Variants in SUPT3H observed in about 807,000 individuals in gnomAD.
SUPT3H encodes SPT3 homolog, SAGA and STAGA complex component, also known as transcription initiation protein SPT3 homolog.
SUPT3H carries 44 observed loss-of-function variants against 44.3 expected under a neutral mutation model. The ratio of observed to expected loss-of-function variants is 0.99; its 90% CI spans 0.78 to 1.28. The LOEUF is 1.28. Among genes scored for constraint, SUPT3H ranks in the 50% most tolerant of loss-of-function variants. The pLI is 0.00. For synonymous variants in SUPT3H, 124 were observed against 125.6 expected, an observed-to-expected ratio of 0.99 and a Z score of 0.09; for missense variants, 380 against 387.1, an observed-to-expected ratio of 0.98 and a Z score of 0.15.
intron 2 of SUPT3H, among the ~76,000 whole-genome samples, chr6:45,128,154 GT>G (rs967968646): frequency 3.3e-5 from 5 of 152,014 alleles, no homozygotes; most frequent in Non-Finnish European, 5.9e-5. Flanking sequence ...AATCAAGGCA[GT>G]TTTCTTAATG....
intron 10 of SUPT3H, among the ~76,000 whole-genome samples, chr6:44,832,489 C>T (rs769284129): frequency 6.6e-6 from 1 of 152,048 alleles, no homozygotes; most frequent in Non-Finnish European, 1.5e-5. Context: ...ACAATTAGAC[C>T]TCCCCAACAA....
At chr6:45,346,659 C>G (rs1284015842) in intron 2 of SUPT3H, among the ~76,000 whole-genome samples, 1 of 151,750 alleles carries the variant, frequency 6.6e-6, no homozygotes, top group Non-Finnish European at 1.5e-5. Context: ...CCTCCACCTC[C>G]TGGGTTCAAG....
chr6:45,316,108 T>C (rs781354511), intron 2 of SUPT3H, among the ~76,000 whole-genome samples: 6 of 152,154 alleles, frequency 3.9e-5, no homozygotes, highest in Non-Finnish European at 8.8e-5. Flanking sequence ...CTCACTGATA[T>C]GTGGGAACTA....
chr6:45,023,854 A>G (rs1785533248), intron 3 of SUPT3H, among the ~76,000 whole-genome samples: 1 of 152,160 alleles, frequency 6.6e-6, no homozygotes, highest in African/African-American at 2.4e-5. Context: ...AACCCCAGTG[A>G]CATGAGTTTA....
At position 44,829,870 on chromosome 6, in the gene SUPT3H, A is replaced by G. The variant is rs774083083; in HGVS notation, c.913-13T>C. On this transcript the variant is annotated splice_polypyrimidine_tract_variant and intron_variant, in intron 10 of 10. Transcript: ENST00000371459. ...TGCGGTAGGCATTCTGTCAAAGAAA[A>G]AGAAATCTGCAATGAATTATCACAT... 6.2e-7 allele frequency: 1 copy of G among 1,612,930 alleles called. No homozygotes were observed. The highest frequency in any genetic ancestry group is 8.5e-7 in the Non-Finnish European group (1 of 1,179,016).
rs562352441 is a variant in SUPT3H, at chr6:45,365,416, ATT to A, written c.1-117_1-116del. ...AAAGTAGAGAAAATTTAAATTTCTG[ATT>A]TGTTTTGCACAAAACTGATTCACTT... is the stretch of plus-strand genomic sequence containing the variant. On this transcript the variant is annotated intron_variant, in intron 1 of 10. Transcript: ENST00000371459. 2,939 of 692,830 alleles carry A rather than the reference ATT, an allele frequency of 4.2e-3. 18 individuals are homozygous for A. The highest frequency in any genetic ancestry group is 5.4e-3 in the Non-Finnish European group (2,292 of 427,612). The allele number at this position is 692,830 out of a possible 1,614,324, so 42.9% of individuals were successfully genotyped here. A position where few individuals can be genotyped will look rare whatever the true frequency, so the allele number is the denominator to read the frequency against.
intron 2 of SUPT3H, among the ~76,000 whole-genome samples, chr6:45,141,953 A>G (rs1805284562): frequency 6.6e-6 from 1 of 152,216 alleles, no homozygotes; most frequent in African/African-American, 2.4e-5. Context: ...CAGGTTATCT[A>G]AAGTCAAGAC....
chr6:44,911,075 G>GT (rs919554007), intron 10 of SUPT3H, among the ~76,000 whole-genome samples: 24 of 147,468 alleles, frequency 1.6e-4, no homozygotes, highest in Middle Eastern at 3.5e-3. Context: ...TTTTTGATGA[G>GT]TTTTTTTTTA....
intron 8 of SUPT3H, 83 bp downstream of exon 8, chr6:44,954,412 G>A (rs1386935672): frequency 2.1e-6 from 2 of 969,520 alleles, no homozygotes; most frequent in Non-Finnish European, 3.4e-6. Context: ...TGGTAGAGCA[G>A]CAGGGAGAAG....
intron 10 of SUPT3H, among the ~76,000 whole-genome samples, chr6:44,842,050 A>G (rs1400786897): frequency 1.3e-5 from 2 of 152,198 alleles, no homozygotes; most frequent in Non-Finnish European, 2.9e-5. Flanking sequence ...TCTCTGATAA[A>G]GTGACATTTA....
chr6:44,960,531 TTTAAGA>T (rs1775879556), intron 7 of SUPT3H, among the ~76,000 whole-genome samples: 1 of 152,006 alleles, frequency 6.6e-6, no homozygotes. Context: ...ATTAGGAGAC[TTTAAGA>T]TTATGAGTTT....
chr6:44,893,615 C>G (rs1763663040), intron 10 of SUPT3H, among the ~76,000 whole-genome samples: 1 of 151,932 alleles, frequency 6.6e-6, no homozygotes, highest in Non-Finnish European at 1.5e-5. Context: ...TTAATCCAGT[C>G]TATCATTGTT....
intron 2 of SUPT3H, among the ~76,000 whole-genome samples, chr6:45,121,656 A>AT (rs1414370456): frequency 6.6e-6 from 1 of 151,534 alleles, no homozygotes; most frequent in East Asian, 1.9e-4. Context: ...CTACTTATAG[A>AT]TTTTTTTTGG....
chr6:45,045,155 TA>T (rs1789177054), intron 3 of SUPT3H, among the ~76,000 whole-genome samples: 1 of 152,060 alleles, frequency 6.6e-6, no homozygotes. Context: ...TAAAACAGAC[TA>T]CAGATACTGT....
chr6:45,069,847 T>C (rs1021590465), intron 3 of SUPT3H, among the ~76,000 whole-genome samples: 18 of 138,596 alleles, frequency 1.3e-4, no homozygotes, highest in Non-Finnish European at 2.7e-4. Context: ...CTCAGATAAC[T>C]TCCATGACAC....
chr6:44,869,110 T>G (rs532793294), intron 10 of SUPT3H, among the ~76,000 whole-genome samples: 1 of 152,302 alleles, frequency 6.6e-6, no homozygotes, highest in East Asian at 1.9e-4. Flanking sequence ...GAGCTGTGCC[T>G]CAAAAGGCAG....
chr6:44,905,523 G>C (rs201328143), intron 10 of SUPT3H, among the ~76,000 whole-genome samples: 50,381 of 150,498 alleles, frequency 0.33, 9,347 homozygotes, highest in Admixed American at 0.41. Context: ...GGAAACAACA[G>C]GTGCTGGAGA....
At chr6:45,325,988 G>A (rs1036778738) in intron 2 of SUPT3H, among the ~76,000 whole-genome samples, 4 of 151,686 alleles carry the variant, frequency 2.6e-5, no homozygotes, top group Admixed American at 6.6e-5. Context: ...GCCTCACAGA[G>A]GACAAAAAGT....
At chr6:45,298,623 C>T (rs1362872138) in intron 2 of SUPT3H, among the ~76,000 whole-genome samples, 1 of 151,662 alleles carries the variant, frequency 6.6e-6, no homozygotes, top group Non-Finnish European at 1.5e-5. Context: ...TGACCAATAA[C>T]TCAAACATCC....
Sources: gnomAD v4.1 joint callset for allele counts (sites outside exome capture counted in the v4.1 genomes callset) on GRCh38, gnomAD v4.1.1 for gene constraint, MANE v1.5 for transcripts, NCBI Gene and HGNC (gene_info 2026-07-23, HGNC 2026-07-21) for gene names.